The following TMEM132D variants were observed in gnomAD, a reference collection of about 807,000 sequenced individuals.
TMEM132D encodes transmembrane protein 132D, also known as mature OL transmembrane protein.
In TMEM132D, 21 loss-of-function variants were observed where a neutral mutation model predicts 62.3. The observed-to-expected ratio is 0.34, with a 90% CI of 0.24 to 0.49. The LOEUF (loss-of-function observed/expected upper bound fraction) is 0.49. Ranked by LOEUF, TMEM132D falls within the 20% of genes least tolerant of loss-of-function variation. TMEM132D has a pLI of 0.99. For synonymous variants in TMEM132D, 621 were observed against 575.6 expected (o/e 1.08, Z -1.13); for missense variants, 1,346 against 1,402.8 (o/e 0.96, Z 0.65).
At chr12:129,424,707 CAAAAAAAAA>C (rs11385383) in intron 3 of TMEM132D, among the ~76,000 whole-genome samples, 1 of 31,828 alleles carries the variant, frequency 3.1e-5, no homozygotes, top group African/African-American at 1.1e-4. Flanking sequence ...GACTCCATCT[CAAAAAAAAA>C]AAAAAAAAAA....
chr12:129,146,008 T>C (rs139952504), intron 5 of TMEM132D, among the ~76,000 whole-genome samples: 1 of 152,144 alleles, frequency 6.6e-6, no homozygotes, highest in African/African-American at 2.4e-5. Flanking sequence ...CATGATGTTT[T>C]GGTATGCATA....
intron 5 of TMEM132D, among the ~76,000 whole-genome samples, chr12:129,173,693 T>A (rs924888911): frequency 6.6e-6 from 1 of 152,236 alleles, no homozygotes; most frequent in Non-Finnish European, 1.5e-5. Context: ...ACCATTTTTG[T>A]AGCTAAGTCA....
At chr12:129,544,586 T>C (rs1030893348) in intron 2 of TMEM132D, among the ~76,000 whole-genome samples, 3 of 152,234 alleles carry the variant, frequency 2.0e-5, no homozygotes, top group Non-Finnish European at 4.4e-5. Context: ...TATTTTAATA[T>C]CTGGTAGGGC....
At chr12:129,379,665 C>T (rs991040736) in intron 3 of TMEM132D, among the ~76,000 whole-genome samples, 5 of 152,162 alleles carry the variant, frequency 3.3e-5, no homozygotes, top group East Asian at 1.9e-4. Context: ...TAATCATCAA[C>T]CCACTGCAAG....
intron 3 of TMEM132D, among the ~76,000 whole-genome samples, chr12:129,445,795 C>T (rs1873079212): frequency 6.6e-6 from 1 of 152,052 alleles, no homozygotes. Flanking sequence ...TTACTTGTTG[C>T]AGGTCAGGTT....
chr12:129,083,911 G>A (rs1019503006), intron 6 of TMEM132D, among the ~76,000 whole-genome samples: 4 of 152,202 alleles, frequency 2.6e-5, no homozygotes, highest in Non-Finnish European at 5.9e-5. Context: ...TCGGGGTAAT[G>A]TACCAGACAC....
intron 5 of TMEM132D, among the ~76,000 whole-genome samples, chr12:129,197,777 A>T (rs936476821): frequency 1.9e-4 from 29 of 152,218 alleles, no homozygotes; most frequent in Non-Finnish European, 4.4e-5. Context: ...ACAAAACAAA[A>T]TAGACAAATG....
chr12:129,443,877 G>A (rs11060350), intron 3 of TMEM132D, among the ~76,000 whole-genome samples: 15,529 of 152,002 alleles, frequency 0.1, 1,292 homozygotes, highest in East Asian at 0.42. Flanking sequence ...AAATGACTGC[G>A]GTCATCAAAA....
intron 2 of TMEM132D, among the ~76,000 whole-genome samples, chr12:129,567,734 G>A (rs932781527): frequency 1.3e-5 from 2 of 151,922 alleles, no homozygotes; most frequent in Admixed American, 1.3e-4. Context: ...CTTTACAATT[G>A]CTTTTTAAAA....
chr12:129,481,990 C>T (rs533487389), intron 3 of TMEM132D, among the ~76,000 whole-genome samples: 1 of 152,338 alleles, frequency 6.6e-6, no homozygotes, highest in South Asian at 2.1e-4. Context: ...TCAGACCTCT[C>T]CCAACTGGAA....
chr12:129,304,430 C>T (rs1249520343), intron 4 of TMEM132D, among the ~76,000 whole-genome samples: 1 of 152,124 alleles, frequency 6.6e-6, no homozygotes, highest in Non-Finnish European at 1.5e-5. Flanking sequence ...TGAACAATTA[C>T]ATATCCTCCA....
chr12:129,127,819 T>C (rs966085884), intron 5 of TMEM132D, among the ~76,000 whole-genome samples: 3 of 152,236 alleles, frequency 2.0e-5, no homozygotes, highest in African/African-American at 7.2e-5. Context: ...GTCTCCCGTC[T>C]CACACTCCCG....
chr12:129,877,520 A>C (rs1158299051), intron 1 of TMEM132D, among the ~76,000 whole-genome samples: 1 of 152,240 alleles, frequency 6.6e-6, no homozygotes, highest in Non-Finnish European at 1.5e-5. Context: ...GGCTTCCCAC[A>C]GTCAGCCTGC....
chr12:129,450,190 C>T (rs1873230577), intron 3 of TMEM132D, among the ~76,000 whole-genome samples: 1 of 152,148 alleles, frequency 6.6e-6, no homozygotes, highest in South Asian at 2.1e-4. Flanking sequence ...TTTCTTTTGG[C>T]TGTGCAGAAG....
At chr12:129,563,730 G>A (rs1877298840) in intron 2 of TMEM132D, among the ~76,000 whole-genome samples, 1 of 151,968 alleles carries the variant, frequency 6.6e-6, no homozygotes, top group Non-Finnish European at 1.5e-5. Flanking sequence ...CAAGAGGGAG[G>A]GTCAACCCAC....
At chr12:129,288,693 G>C (rs945152344) in intron 4 of TMEM132D, among the ~76,000 whole-genome samples, 1 of 152,188 alleles carries the variant, frequency 6.6e-6, no homozygotes, top group African/African-American at 2.4e-5. Flanking sequence ...AAACGGTAAG[G>C]AGGTTCCTCA....
intron 4 of TMEM132D, among the ~76,000 whole-genome samples, chr12:129,309,670 A>C (rs1026468945): frequency 3.3e-5 from 5 of 152,128 alleles, no homozygotes; most frequent in African/African-American, 1.2e-4. Flanking sequence ...TTCACTAACC[A>C]GCCTGCAAAC....
At chr12:129,256,041 G>C (rs1349901098) in intron 4 of TMEM132D, among the ~76,000 whole-genome samples, 1 of 152,128 alleles carries the variant, frequency 6.6e-6, no homozygotes, top group Admixed American at 6.6e-5. Flanking sequence ...GATGGGTGTG[G>C]GTTTCAAACA....
chr12:129,328,187 GT>G lies in TMEM132D; in HGVS notation c.1299+9446del, dbSNP rs1390774052. Among the ~76,000 whole-genome samples the G allele has an allele frequency of 7.2e-5, 11 of 152,182 alleles. No homozygotes were observed. In the East Asian group the frequency reaches 2.1e-3, roughly 29 times the overall value. On this transcript the variant is annotated intron_variant, in intron 4 of 8. Coordinates refer to ENST00000422113, the MANE Select transcript of TMEM132D (RefSeq NM_133448.3). ...TGAGTCTTTCCCTCCATGATACCCTGTTCTATTTTCTTCCAAGCATGTATTA... is the reference window on the plus strand; with the variant it reads ...TGAGTCTTTCCCTCCATGATACCCTGTCTATTTTCTTCCAAGCATGTATTA...
Sources: gnomAD v4.1 joint callset for allele counts (sites outside exome capture counted in the v4.1 genomes callset) on GRCh38, gnomAD v4.1.1 for gene constraint, MANE v1.5 for transcripts, NCBI Gene and HGNC (gene_info 2026-07-23, HGNC 2026-07-21) for gene names.